Variants in TMEM25 observed in about 807,000 individuals in gnomAD.
The protein encoded by TMEM25 is transmembrane protein 25.
In TMEM25, 36 loss-of-function variants were observed where a neutral mutation model predicts 37.0. The ratio of observed to expected loss-of-function variants is 0.97; its 90% confidence interval spans 0.75 to 1.28. TMEM25 has a LOEUF of 1.28. Ranked by LOEUF, TMEM25 falls within the 50% of genes most tolerant of loss-of-function variation. TMEM25 has a pLI of 0.00. For synonymous variants in TMEM25, 197 were observed against 203.7 expected, an observed-to-expected ratio of 0.97 and a Z score of 0.28; for missense variants, 444 against 477.9, an observed-to-expected ratio of 0.93 and a Z score of 0.66.
At chr11:118,537,022 G>A (rs560550801), downstream of TMEM25, among the ~76,000 whole-genome samples, 4 of 152,168 alleles carry the variant, frequency 2.6e-5, no homozygotes, top group South Asian at 2.1e-4. Flanking sequence ...CTGCAGGTGT[G>A]TGCCATTGTG....
intron 8 of TMEM25, among the ~76,000 whole-genome samples, chr11:118,541,919 G>A (rs993803860): frequency 6.6e-6 from 1 of 152,102 alleles, no homozygotes; most frequent in Non-Finnish European, 1.5e-5. Flanking sequence ...CATCATGCCT[G>A]GCTAATTTTG....
chr11:118,539,716 A>AT (rs1158246571), downstream of TMEM25, among the ~76,000 whole-genome samples: 3 of 151,602 alleles, frequency 2.0e-5, no homozygotes, highest in Admixed American at 6.6e-5. Flanking sequence ...ATGGGCTGTG[A>AT]TTTTTTCTTT....
Position 118,531,826 on chromosome 11 carries a change from G to T in TMEM25, c.25G>T (p.Ala9Ser), listed in dbSNP as rs931287556. Residue 9 changes from alanine (A) to serine (S), a missense_variant, in exon 2 of 9, where the codon GCC becomes TCC. Ala to Ser is a moderately conservative substitution (Grantham distance 99). Coordinates refer to ENST00000313236, the MANE Select transcript of TMEM25 (RefSeq NM_032780.4). ...CATGGCGCTGCCTCCAGGCCCAGCC[G>T]CCCTCCGGCACACACTGCTGCTCCT... MALPPGPA[A>S]LRHTLLLLPA... The T allele has an allele frequency of 1.9e-6, 3 of 1,551,152 alleles. No homozygotes were observed. The highest frequency in any genetic ancestry group is 2.6e-6 in the Non-Finnish European group (3 of 1,146,942).
intron 4 of TMEM25, 58 bp downstream of exon 4, chr11:118,533,265 C>T (rs2135388608): frequency 1.9e-6 from 3 of 1,557,948 alleles, no homozygotes; most frequent in Non-Finnish European, 1.7e-6. Flanking sequence ...GGGTCCCGTC[C>T]CCATACAGAA....
chr11:118,535,573 G>A lies in TMEM25; in HGVS notation c.*993G>A. 2 of 1,535,788 alleles carry A rather than the reference G, an allele frequency of 1.3e-6. No homozygotes were observed. Among genetic ancestry groups the A allele is most frequent in the South Asian group, 1.2e-5 (1 of 84,000 alleles). The stretch of plus-strand genomic sequence containing the variant: ...ATGGTTGCCTCATCAGCAGGAAGGT[G>A]CCCTTCCTGGAGGATGGTCGCCACA... On this transcript the variant is annotated 3_prime_UTR_variant, in exon 9 of 9. Coordinates refer to ENST00000313236, the MANE Select transcript of TMEM25 (RefSeq NM_032780.4).
downstream of TMEM25, among the ~76,000 whole-genome samples, chr11:118,536,187 GCTTTT>G (rs1302422110): frequency 2.0e-5 from 3 of 148,040 alleles, no homozygotes; most frequent in African/African-American, 5.0e-5. Flanking sequence ...CTTCTAATAT[GCTTTT>G]CTTTTCTTTT....
At position 118,535,610 on chromosome 11, in the gene TMEM25, C is replaced by A; in HGVS notation, c.*1030C>A. The A allele has an allele frequency of 6.5e-7, 1 of 1,529,884 alleles. No individual in the cohort carries two copies. Among genetic ancestry groups the A allele is most frequent in the South Asian group, 1.2e-5 (1 of 83,280 alleles). The allele number at this position is 1,529,884 out of a possible 1,614,324, so 94.8% of individuals were successfully genotyped here. A position where few individuals can be genotyped will look rare whatever the true frequency, so the allele number is the denominator to read the frequency against. On this transcript the variant is annotated 3_prime_UTR_variant, in exon 9 of 9. Transcript: ENST00000313236. ...GGATGGTCGCCACAGGCACATAATT[C>A]AACAGTGTGGAAGCTTTAGGGGAAC...
At position 118,534,489 on chromosome 11, in the gene TMEM25, G is replaced by A; in HGVS notation, c.1028-18G>A. The A allele has an allele frequency of 6.2e-7, 1 of 1,614,100 alleles. No homozygotes were observed. The highest frequency in any genetic ancestry group is 8.5e-7 in the Non-Finnish European group (1 of 1,180,012). ...AACAAGCGTTACTGAGTCCCCGCGG[G>A]CTTCTTTGATCCCGCAGGTTTCATC... On this transcript the variant is annotated intron_variant, in intron 8 of 8. Coordinates refer to ENST00000313236, the MANE Select transcript of TMEM25 (RefSeq NM_032780.4). This position sits in a 1 kb window ranked among gnomAD's most constrained non-coding sequence, Gnocchi z 4.6.
rs781911323 is a variant in TMEM25 at position 118,532,980 on chromosome 11, T to C, written c.446T>C (p.Val149Ala). 3.1e-6 allele frequency: 5 copies of C among 1,614,242 alleles called. No individual in the cohort carries two copies. Among genetic ancestry groups the C allele is most frequent in the Non-Finnish European group, 4.2e-6 (5 of 1,180,028 alleles). The change falls in exon 4 of 9, where the codon GTT becomes GCT. Residue 149 changes from valine (V) to alanine (A), a missense_variant. By Grantham distance (64) the Val-to-Ala change is moderately conservative. Transcript: ENST00000313236. Reference protein sequence around the residue: ...YQEAQGPGLLVVLFALVRANP... With the variant: ...YQEAQGPGLLAVLFALVRANP... ...GAAGCTCAGGGCCCAGGCCTCCTGG[T>C]TGTCCTGTTTGCCCTGGTGCGTGCC...
Position 118,535,629 on chromosome 11 carries a change from G to C in TMEM25, c.*1049G>C, listed in dbSNP as rs782395851. On this transcript the variant is annotated 3_prime_UTR_variant, in exon 9 of 9. Coordinates refer to ENST00000313236, the MANE Select transcript of TMEM25 (RefSeq NM_032780.4). ...ATAATTCAACAGTGTGGAAGCTTTA[G>C]GGGAACATGGAGAAAGAAGGAGACC... is the stretch of plus-strand genomic sequence containing the variant. 3 of 1,528,466 alleles carry C rather than the reference G, an allele frequency of 2.0e-6. No individual in the cohort carries two copies. The Admixed American group carries it at 5.9e-5, about 30-fold the overall frequency. The allele number at this position is 1,528,466 out of a possible 1,614,324, so 94.7% of individuals were successfully genotyped here.
At chr11:118,543,106 A>G (rs1018608096) in intron 8 of TMEM25, among the ~76,000 whole-genome samples, 3 of 145,554 alleles carry the variant, frequency 2.1e-5, no homozygotes, top group Non-Finnish European at 4.6e-5. Flanking sequence ...AGCCGGGTGT[A>G]GTGGTGCATG....
In TMEM25 at chr11:118,531,249, T is replaced by TGGCGGGG. The variant is rs1242683590; in HGVS notation, c.-28+24_-28+30dup. ...GAGGGAGCCAGGTGAGCCGCCCCGG[T>TGGCGGGG]GGCGGGGGGCGGGGGCGGGATGCTC... On this transcript the variant is annotated intron_variant, in intron 1 of 8. Transcript: ENST00000313236. The TGGCGGGG allele has an allele frequency of 2.1e-4, 79 of 384,462 alleles. No homozygotes were observed. The Middle Eastern group carries it at 3.4e-3, about 17-fold the overall frequency. The allele number at this position is 384,462 out of a possible 1,614,324, so 23.8% of individuals were successfully genotyped here.
At chr11:118,536,829 T>C (rs895936717), downstream of TMEM25, among the ~76,000 whole-genome samples, 1 of 152,144 alleles carries the variant, frequency 6.6e-6, no homozygotes, top group East Asian at 1.9e-4. Flanking sequence ...ATGAGGTTCA[T>C]TGAAATTTTG....
chr11:118,531,220 CG>C lies in TMEM25; in HGVS notation c.-38del. 1 of 444,180 alleles carries C rather than the reference CG, an allele frequency of 2.3e-6. No homozygotes were observed. Among genetic ancestry groups the C allele is most frequent in the Non-Finnish European group, 4.0e-6 (1 of 248,056 alleles). The allele number at this position is 444,180 out of a possible 1,614,324, so 27.5% of individuals were successfully genotyped here. On this transcript the variant is annotated 5_prime_UTR_variant, in exon 1 of 9. Transcript: ENST00000313236. ...CCTGAGCAGTTGCTCCGGCGGCGCT[CG>C]GGGAGGGAGCCAGGTGAGCCGCCCC...
intron 8 of TMEM25, chr11:118,545,131 G>C: frequency 2.4e-6 from 2 of 817,818 alleles, no homozygotes; most frequent in South Asian, 3.3e-5. Context: ...CATTCATGAG[G>C]GAACTTGGTT....
intron 8 of TMEM25, chr11:118,545,732 T>C: frequency 1.3e-6 from 2 of 1,533,748 alleles, no homozygotes; most frequent in Admixed American, 3.3e-5. Flanking sequence ...AACAAGCCTG[T>C]CCAAAAGCCT....
downstream of TMEM25, among the ~76,000 whole-genome samples, chr11:118,536,487 G>A (rs1308957898): frequency 2.0e-5 from 3 of 152,090 alleles, no homozygotes; most frequent in Non-Finnish European, 4.4e-5. Flanking sequence ...GCCACACTGC[G>A]CCCGGCCTAA....
chr11:118,531,945 G>C, intron 2 of TMEM25, 74 bp downstream of exon 2: 1 of 1,519,164 alleles, frequency 6.6e-7, no homozygotes, highest in Non-Finnish European at 8.9e-7. Flanking sequence ...CTGCACTTCT[G>C]TTTGGGTACC....
intron 8 of TMEM25, among the ~76,000 whole-genome samples, chr11:118,541,573 A>G (rs1041867493): frequency 2.0e-5 from 3 of 152,272 alleles, no homozygotes; most frequent in South Asian, 2.1e-4. Context: ...ATTAAAAACA[A>G]ATTTTTTAAA....
Sources: allele counts gnomAD v4.1 joint callset (sites outside exome capture counted in the v4.1 genomes callset), GRCh38; gene constraint gnomAD v4.1.1; non-coding constraint Gnocchi (gnomAD v3.1); transcripts MANE v1.5; gene names NCBI Gene and HGNC (gene_info 2026-07-23, HGNC 2026-07-21).